The following FHIT variants were observed in gnomAD, a reference collection of about 807,000 sequenced individuals.
The protein encoded by FHIT is bis(5'-adenosyl)-triphosphatase.
Under a neutral mutation model 17.9 loss-of-function variants are expected in FHIT, and 19 were observed. That is an observed-to-expected ratio of 1.06 (90% CI 0.74 to 1.56). FHIT has a LOEUF of 1.56. FHIT is among the 40% of genes most tolerant of loss of function. FHIT has a pLI of 0.00. For missense variants in FHIT, 248 were observed against 189.2 expected, an observed-to-expected ratio of 1.31 and a Z score of -1.82; for synonymous variants, 81 against 69.7, an observed-to-expected ratio of 1.16 and a Z score of -0.81.
intron 4 of FHIT, among the ~76,000 whole-genome samples, chr3:60,573,670 G>A (rs987528828): frequency 1.6e-4 from 24 of 152,282 alleles, no homozygotes; most frequent in African/African-American, 5.5e-4. Flanking sequence ...AAGCGCAGCT[G>A]CCTCCGTTCA....
At chr3:59,879,930 CCCG>C (rs1419982286) in intron 8 of FHIT, among the ~76,000 whole-genome samples, 7 of 137,926 alleles carry the variant, frequency 5.1e-5, no homozygotes, top group South Asian at 2.6e-4. Flanking sequence ...CCCCCCCCCC[CCCG>C]CCCCTTAGCA....
At chr3:60,480,116 C>T (rs577115816) in intron 5 of FHIT, among the ~76,000 whole-genome samples, 3 of 152,038 alleles carry the variant, frequency 2.0e-5, no homozygotes, top group African/African-American at 7.2e-5. Context: ...CGGCAGAAGG[C>T]AAAGAGAAAG....
intron 5 of FHIT, among the ~76,000 whole-genome samples, chr3:60,394,136 T>A (rs556206781): frequency 1.1e-4 from 16 of 152,060 alleles, no homozygotes; most frequent in Non-Finnish European, 2.1e-4. Flanking sequence ...AAACACTGAA[T>A]GTACTGGTTT....
chr3:60,027,612 G>C (rs984366005), intron 5 of FHIT, among the ~76,000 whole-genome samples: 1 of 151,452 alleles, frequency 6.6e-6, no homozygotes. Flanking sequence ...CTACGCCATA[G>C]AGTTCAGATT....
intron 5 of FHIT, among the ~76,000 whole-genome samples, chr3:60,149,598 G>A (rs924642145): frequency 4.6e-5 from 7 of 151,968 alleles, no homozygotes; most frequent in Non-Finnish European, 1.0e-4. Flanking sequence ...GCCATCAAAG[G>A]GCAATGAACA....
chr3:59,981,354 T>C (rs1027177914), intron 7 of FHIT, among the ~76,000 whole-genome samples: 2 of 152,112 alleles, frequency 1.3e-5, no homozygotes, highest in African/African-American at 4.8e-5. Flanking sequence ...AATCCCTATG[T>C]TTCTAGCTGA....
intron 7 of FHIT, among the ~76,000 whole-genome samples, chr3:59,994,684 C>T (rs552593550): frequency 2.2e-4 from 33 of 152,134 alleles, no homozygotes; most frequent in Non-Finnish European, 3.2e-4. Flanking sequence ...AGTAAAATGA[C>T]GGCCCCAAGT....
chr3:60,432,922 T>A (rs563228790), intron 5 of FHIT, among the ~76,000 whole-genome samples: 81 of 151,864 alleles, frequency 5.3e-4, no homozygotes, highest in Non-Finnish European at 7.4e-4. Context: ...ATTGTCTTTT[T>A]TTTTTTTACT....
At chr3:60,637,893 T>C (rs1179777579) in intron 4 of FHIT, among the ~76,000 whole-genome samples, 1 of 152,104 alleles carries the variant, frequency 6.6e-6, no homozygotes, top group Non-Finnish European at 1.5e-5. Flanking sequence ...CCAGATCTGC[T>C]CCAGGAAATA....
At chr3:60,523,688 A>G (rs2035462565) in intron 5 of FHIT, among the ~76,000 whole-genome samples, 1 of 152,220 alleles carries the variant, frequency 6.6e-6, no homozygotes. Context: ...CCGACGAGTT[A>G]TCAAACCCTT....
intron 5 of FHIT, among the ~76,000 whole-genome samples, chr3:60,481,624 C>T (rs1187825474): frequency 2.0e-5 from 3 of 152,116 alleles, no homozygotes; most frequent in East Asian, 1.9e-4. Context: ...CAAGCAAATG[C>T]TGAGGGATTT....
At chr3:60,040,425 T>C (rs914121117) in intron 5 of FHIT, among the ~76,000 whole-genome samples, 2 of 152,154 alleles carry the variant, frequency 1.3e-5, no homozygotes, top group Admixed American at 6.5e-5. Context: ...ATTACAGGCA[T>C]GAGCCACCGC....
intron 5 of FHIT, among the ~76,000 whole-genome samples, chr3:60,519,457 ATGTAAC>A (rs2035277958): frequency 6.6e-6 from 1 of 152,196 alleles, no homozygotes. Flanking sequence ...GAAAATTCAC[ATGTAAC>A]TTAACTTCCC....
intron 5 of FHIT, among the ~76,000 whole-genome samples, chr3:60,530,304 C>A (rs1431290007): frequency 6.6e-6 from 1 of 152,110 alleles, no homozygotes; most frequent in Non-Finnish European, 1.5e-5. Flanking sequence ...GGTCTAGAGA[C>A]CAACATGTAC....
At chr3:60,270,239 C>A (rs1261727768) in intron 5 of FHIT, among the ~76,000 whole-genome samples, 1 of 152,182 alleles carries the variant, frequency 6.6e-6, no homozygotes, top group Non-Finnish European at 1.5e-5. Context: ...AGCACAGACT[C>A]CGACCACAAC....
intron 7 of FHIT, among the ~76,000 whole-genome samples, chr3:59,966,029 A>G (rs1707910912): frequency 6.6e-6 from 1 of 152,166 alleles, no homozygotes; most frequent in African/African-American, 2.4e-5. Context: ...TGATTTGAAA[A>G]CATCTAAGTA....
chr3:59,769,500 C>G (rs1351737656), intron 8 of FHIT, among the ~76,000 whole-genome samples: 1 of 152,192 alleles, frequency 6.6e-6, no homozygotes, highest in East Asian at 1.9e-4. Context: ...TGTGCACAGG[C>G]TGTGTCGAAT....
intron 5 of FHIT, among the ~76,000 whole-genome samples, chr3:60,414,274 A>G (rs553603390): frequency 1.9e-4 from 29 of 152,318 alleles, no homozygotes; most frequent in Admixed American, 3.9e-4. Flanking sequence ...CATTTCTAGT[A>G]AGTTCCCAGG....
chr3:59,859,634 G>T (rs1702324110), intron 8 of FHIT, among the ~76,000 whole-genome samples: 1 of 152,190 alleles, frequency 6.6e-6, no homozygotes, highest in South Asian at 2.1e-4. Context: ...CAGGAGAATT[G>T]CTTAGAAGCT....
Sources: gnomAD v4.1 joint callset for allele counts (sites outside exome capture counted in the v4.1 genomes callset) on GRCh38, gnomAD v4.1.1 for gene constraint, MANE v1.5 for transcripts, NCBI Gene and HGNC (gene_info 2026-07-23, HGNC 2026-07-21) for gene names.